The following CCP110 variants were observed in gnomAD, a reference collection of about 807,000 sequenced individuals.
The protein encoded by CCP110 is centriolar coiled-coil protein of 110 kDa.
Under a neutral mutation model 105.5 loss-of-function variants are expected in CCP110, and 43 were observed. That is an observed-to-expected ratio of 0.41 (90% CI 0.32 to 0.53). CCP110 has a LOEUF of 0.53. CCP110 is among the 20% of genes least tolerant of loss of function. The probability of loss-of-function intolerance (pLI) is 0.32; values close to 1 mark genes in which losing one functional copy is unlikely to be tolerated. For missense variants in CCP110, 1,016 were observed against 1,189.1 expected, an observed-to-expected ratio of 0.85 and a Z score of 2.14; for synonymous variants, 353 against 392.1, an observed-to-expected ratio of 0.90 and a Z score of 1.18.
At position 19,548,725 on chromosome 16, in the gene CCP110, AG is replaced by A; in HGVS notation, c.2986+126del. Reference sequence around the variant, plus strand: ...GCCACCATAATTTTGGCATATTCACAGTCATCTTATTAGTGTTCTTTGGTCT... The same window carrying A: ...GCCACCATAATTTTGGCATATTCACATCATCTTATTAGTGTTCTTTGGTCT... On this transcript the variant is annotated intron_variant, in intron 14 of 14. Transcript: ENST00000381396. The surrounding 1 kb of genome is among the most constrained non-coding windows in gnomAD (Gnocchi z 4.1). 1.6e-6 allele frequency: 1 copy of A among 613,784 alleles called. No homozygotes were observed. Among genetic ancestry groups the A allele is most frequent in the South Asian group, 2.1e-5 (1 of 46,946 alleles). 38.0% of individuals were successfully genotyped at this position (613,784 alleles called of 1,614,324 possible). A position where few individuals can be genotyped will look rare whatever the true frequency, so the allele number is the denominator to read the frequency against.
intron 3 of CCP110, among the ~76,000 whole-genome samples, chr16:19,533,566 G>A (rs1026679748): frequency 6.6e-6 from 1 of 152,198 alleles, no homozygotes; most frequent in Non-Finnish European, 1.5e-5. Context: ...TGAGAAAGGT[G>A]GGGGTAGAGG....
chr16:19,548,023 G>A lies in CCP110; in HGVS notation c.2900+9G>A. On this transcript the variant is annotated intron_variant, in intron 13 of 14. Transcript: ENST00000381396. The surrounding 1 kb of genome is among the most constrained non-coding windows in gnomAD (Gnocchi z 4.1). ...CTACTTAGTAGACAAGGGTAAGAAT[G>A]CCACACACGGGTATTGAAAACTACG... The A allele has an allele frequency of 1.3e-6, 2 of 1,591,948 alleles. No homozygotes were observed. Among genetic ancestry groups the A allele is most frequent in the South Asian group, 1.1e-5 (1 of 90,444 alleles).
intron 8 of CCP110, among the ~76,000 whole-genome samples, chr16:19,543,618 C>T (rs193235277): frequency 2.4e-4 from 37 of 152,190 alleles, no homozygotes; most frequent in Non-Finnish European, 4.4e-4. Flanking sequence ...TATAAACGGA[C>T]GTGCAAGTAG....
chr16:19,536,704 C>T (rs1970074068), exon 4 of CCP110: 1 of 1,614,166 alleles, frequency 6.2e-7, no homozygotes, highest in Non-Finnish European at 8.5e-7. Context: ...AAGTTATTCC[C>T]ACTTTTGTTA....
At chr16:19,537,003 A>T (rs769066188) in exon 4 of CCP110, 1 of 1,614,238 alleles carries the variant, frequency 6.2e-7, no homozygotes, top group South Asian at 1.1e-5. Context: ...GTGGGCAAAA[A>T]TACATCTGAA....
intron 8 of CCP110, among the ~76,000 whole-genome samples, chr16:19,543,804 A>C (rs947062406): frequency 6.6e-6 from 1 of 152,144 alleles, no homozygotes; most frequent in Non-Finnish European, 1.5e-5. Flanking sequence ...CAGGCTTACT[A>C]GGATTGGGAA....
exon 15 of CCP110, chr16:19,551,966 A>C (rs1202393256): frequency 6.6e-6 from 1 of 152,240 alleles, no homozygotes; most frequent in South Asian, 2.1e-4. Context: ...TGGGGAAGAC[A>C]GCACAATCTT....
At position 19,548,030 on chromosome 16, in the gene CCP110, A is replaced by G; in HGVS notation, c.2900+16A>G. The G allele has an allele frequency of 6.4e-7, 1 of 1,569,198 alleles. No individual in the cohort carries two copies. Among genetic ancestry groups the G allele is most frequent in the Admixed American group, 1.7e-5 (1 of 59,676 alleles). On this transcript the variant is annotated intron_variant, in intron 13 of 14. Coordinates refer to ENST00000381396, the Ensembl canonical transcript of CCP110. This position sits in a 1 kb window ranked among gnomAD's most constrained non-coding sequence, Gnocchi z 4.1. ...GTAGACAAGGGTAAGAATGCCACAC[A>G]CGGGTATTGAAAACTACGGAAACCA...
intron 12 of CCP110, chr16:19,547,571 C>G (rs899189789): frequency 6.2e-6 from 1 of 161,922 alleles, no homozygotes; most frequent in Non-Finnish European, 1.3e-5. Context: ...AAAAATAAAG[C>G]TAAAAAGCGA....
chr16:19,533,211 T>C (rs1969935941), intron 3 of CCP110, among the ~76,000 whole-genome samples: 1 of 149,420 alleles, frequency 6.7e-6, no homozygotes, highest in Non-Finnish European at 1.5e-5. Context: ...TAGGAGTTTG[T>C]GGTTTGTCTG....
At chr16:19,531,977 A>G (rs1341296864) in intron 2 of CCP110, among the ~76,000 whole-genome samples, 1 of 152,100 alleles carries the variant, frequency 6.6e-6, no homozygotes, top group African/African-American at 2.4e-5. Flanking sequence ...AAAAAAAAAA[A>G]AAAAGGATAC....
intron 4 of CCP110, 43 bp downstream of exon 4, chr16:19,537,630 C>T (rs995416534): frequency 9.0e-7 from 1 of 1,115,042 alleles, no homozygotes; most frequent in Non-Finnish European, 1.3e-6. Context: ...ATGCAGATAC[C>T]TTTATTTTAA....
chr16:19,545,126 A>G, exon 10 of CCP110: 2 of 1,611,920 alleles, frequency 1.2e-6, no homozygotes, highest in Non-Finnish European at 1.7e-6. Flanking sequence ...TTCATGACAT[A>G]TTCTTTGTAA....
chr16:19,540,639 A>G lies in CCP110; in HGVS notation c.1919-18A>G. 6.2e-7 allele frequency: 1 copy of G among 1,601,958 alleles called. No individual in the cohort carries two copies. Among genetic ancestry groups the G allele is most frequent in the Non-Finnish European group, 8.5e-7 (1 of 1,173,236 alleles). The stretch of plus-strand genomic sequence containing the variant: ...GACTTGTGAATTTTCTAAATTGAGG[A>G]AACATGTTTCTTTTCAGAAAGCGAG... On this transcript the variant is annotated intron_variant, in intron 4 of 14. Transcript: ENST00000381396.
intron 2 of CCP110, among the ~76,000 whole-genome samples, chr16:19,529,383 A>G (rs905302182): frequency 6.6e-6 from 1 of 152,258 alleles, no homozygotes; most frequent in Non-Finnish European, 1.5e-5. Context: ...ATTTTAATTA[A>G]TTGAATTGAA....
chr16:19,529,781 C>T (rs949310887), intron 2 of CCP110, among the ~76,000 whole-genome samples: 1 of 152,118 alleles, frequency 6.6e-6, no homozygotes, highest in African/African-American at 2.4e-5. Context: ...TCCATTTGTG[C>T]TCAAAATGCC....
chr16:19,528,065 C>CG, intron 2 of CCP110, 43 bp downstream of exon 2: 10 of 1,501,894 alleles, frequency 6.7e-6, no homozygotes, highest in Non-Finnish European at 9.0e-6. Context: ...CTGTAGTGAA[C>CG]AACTAAAACA....
Position 19,548,029 on chromosome 16 carries a change from CACGG to C in CCP110, c.2900+16_2900+19del. On this transcript the variant is annotated intron_variant, in intron 13 of 14. Coordinates refer to ENST00000381396, the Ensembl canonical transcript of CCP110. The surrounding 1 kb of genome is among the most constrained non-coding windows in gnomAD (Gnocchi z 4.1). Reference sequence around the variant, plus strand: ...AGTAGACAAGGGTAAGAATGCCACACACGGGTATTGAAAACTACGGAAACCAAGA... The same window carrying C: ...AGTAGACAAGGGTAAGAATGCCACACGTATTGAAAACTACGGAAACCAAGA... The C allele has an allele frequency of 1.3e-6, 2 of 1,576,488 alleles. No individual in the cohort carries two copies. Among genetic ancestry groups the C allele is most frequent in the Non-Finnish European group, 8.7e-7 (1 of 1,146,704 alleles).
intron 2 of CCP110, among the ~76,000 whole-genome samples, chr16:19,531,551 T>A (rs1488247811): frequency 6.6e-6 from 1 of 152,236 alleles, no homozygotes; most frequent in Non-Finnish European, 1.5e-5. Flanking sequence ...TGTAGGCAAA[T>A]AATATATTAT....
Sources: allele counts gnomAD v4.1 joint callset (sites outside exome capture counted in the v4.1 genomes callset), GRCh38; gene constraint gnomAD v4.1.1; non-coding constraint Gnocchi (gnomAD v3.1); transcripts MANE v1.5; gene names NCBI Gene and HGNC (gene_info 2026-07-23, HGNC 2026-07-21).